PCDHGB1: variants seen among roughly 807,000 people sequenced by gnomAD.
The protein encoded by PCDHGB1 is protocadherin gamma-B1.
In PCDHGB1, 34 loss-of-function variants were observed where a neutral mutation model predicts 56.6. That is an observed-to-expected ratio of 0.60 (90% CI 0.46 to 0.80). The LOEUF (loss-of-function observed/expected upper bound fraction) is 0.80, where lower values mean the gene tolerates loss of function less well. PCDHGB1 is among the 30% of genes least tolerant of loss of function. The pLI is 0.00. For missense variants in PCDHGB1, 1,278 were observed against 1,204.6 expected, an observed-to-expected ratio of 1.06 and a Z score of -0.90; for synonymous variants, 561 against 505.9, an observed-to-expected ratio of 1.11 and a Z score of -1.46.
rs143530538 is a variant in PCDHGB1 at position 141,490,323 on chromosome 5, G to A, written c.2410-4484G>A. 18 of 1,614,102 alleles carry A rather than the reference G, an allele frequency of 1.1e-5. No individual in the cohort carries two copies. Among genetic ancestry groups the A allele is most frequent in the Non-Finnish European group, 1.4e-5 (17 of 1,180,056 alleles). ...CCTCTTTGGCCAACCCTGTCCTAGA[G>A]AGCACACCAGTGGGCACAGTAGTGG... On this transcript the variant is annotated intron_variant, in intron 1 of 3. Transcript: ENST00000523390. This position sits in a 1 kb window ranked among gnomAD's most constrained non-coding sequence, Gnocchi z 5.4.
At chr5:141,390,362 G>GA (rs1411664231) in intron 1 of PCDHGB1, 10 of 1,532,890 alleles carry the variant, frequency 6.5e-6, no homozygotes, top group Middle Eastern at 3.5e-4. Context: ...ATATTTGCAG[G>GA]AAAATATATA....
intron 1 of PCDHGB1, chr5:141,388,479 C>T (rs1345463224): frequency 4.3e-6 from 7 of 1,613,652 alleles, no homozygotes; most frequent in Non-Finnish European, 1.7e-6. Flanking sequence ...ATTGAAGACA[C>T]CTTTGGACAG....
intron 1 of PCDHGB1, chr5:141,394,389 C>T (rs750588570): frequency 2.6e-5 from 42 of 1,614,118 alleles, no homozygotes; most frequent in Non-Finnish European, 3.5e-5. Flanking sequence ...TGAGCAGATC[C>T]GAGACCTGCA....
intron 1 of PCDHGB1, among the ~76,000 whole-genome samples, chr5:141,447,600 T>G (rs769487703): frequency 6.6e-6 from 1 of 151,992 alleles, no homozygotes; most frequent in Non-Finnish European, 1.5e-5. Flanking sequence ...TCCTATAGAG[T>G]CCTTAGCATT....
chr5:141,490,288 G>A lies in PCDHGB1; in HGVS notation c.2410-4519G>A. On this transcript the variant is annotated intron_variant, in intron 1 of 3. Coordinates refer to ENST00000523390, the MANE Select transcript of PCDHGB1 (RefSeq NM_018922.3). The surrounding 1 kb of genome is among the most constrained non-coding windows in gnomAD (Gnocchi z 5.4). ...GGATGTCAATGACAATGCCCCAGAG[G>A]TGCTATTGGCCTCTTTGGCCAACCC... The A allele has an allele frequency of 3.7e-6, 6 of 1,614,198 alleles. No individual in the cohort carries two copies. The highest frequency in any genetic ancestry group is 5.1e-6 in the Non-Finnish European group (6 of 1,180,042).
chr5:141,390,358 G>T, intron 1 of PCDHGB1: 1 of 1,540,914 alleles, frequency 6.5e-7, no homozygotes, highest in East Asian at 2.2e-5. Context: ...ATACATATTT[G>T]CAGGAAAATA....
In PCDHGB1 at chr5:141,431,265, G is replaced by T; in HGVS notation, c.2410-63542G>T. On this transcript the variant is annotated intron_variant, in intron 1 of 3. Transcript: ENST00000523390. The surrounding 1 kb of genome is among the most constrained non-coding windows in gnomAD (Gnocchi z 4.8). ...GATATCGGGAAGAACTCTCTGCAGAGCTACGAGCTCAGCCCGAACACTCAC... is the reference window on the plus strand; with the variant it reads ...GATATCGGGAAGAACTCTCTGCAGATCTACGAGCTCAGCCCGAACACTCAC... 1 of 1,614,168 alleles carries T rather than the reference G, an allele frequency of 6.2e-7. No homozygotes were observed. The highest frequency in any genetic ancestry group is 8.5e-7 in the Non-Finnish European group (1 of 1,180,054).
intron 1 of PCDHGB1, chr5:141,365,060 C>T (rs750087491): frequency 1.2e-6 from 2 of 1,613,874 alleles, no homozygotes; most frequent in Admixed American, 1.7e-5. Context: ...CCTGTTCACC[C>T]CATCCGAGTA....
intron 1 of PCDHGB1, chr5:141,415,377 C>T (rs774655293): frequency 1.2e-6 from 2 of 1,614,118 alleles, no homozygotes; most frequent in African/African-American, 2.7e-5. Flanking sequence ...CTTCAGGAGG[C>T]GGCTTGACAG....
intron 1 of PCDHGB1, chr5:141,423,300 G>A (rs1293301567): frequency 2.5e-6 from 4 of 1,614,028 alleles, no homozygotes; most frequent in African/African-American, 1.3e-5. Context: ...CAGACCTCTC[G>A]CTGTACTTGG....
At chr5:141,362,149 T>C (rs759063405) in intron 1 of PCDHGB1, 2 of 1,614,036 alleles carry the variant, frequency 1.2e-6, no homozygotes, top group East Asian at 2.2e-5. Context: ...GCAAGAGGTA[T>C]TGCCAGACCT....
chr5:141,472,188 G>C (rs779077950), intron 1 of PCDHGB1, among the ~76,000 whole-genome samples: 4 of 152,168 alleles, frequency 2.6e-5, no homozygotes, highest in Middle Eastern at 3.2e-3. Context: ...ATTGGAATTT[G>C]AATCTTTTTG....
rs185995562 is a variant in PCDHGB1 at position 141,410,475 on chromosome 5, A to T, written c.2409+57806A>T. 63 of 1,614,052 alleles carry T rather than the reference A, an allele frequency of 3.9e-5. No individual in the cohort carries two copies. The highest frequency in any genetic ancestry group is 3.3e-4 in the Middle Eastern group (2 of 6,062). ...TATTCTTATAATCTGTGCATTGCAC[A>T]TACGGGTACAAAAGAGTTTAATTTC... On this transcript the variant is annotated intron_variant, in intron 1 of 3. Transcript: ENST00000523390.
chr5:141,460,924 A>ATATATG (rs1561985817), intron 1 of PCDHGB1, among the ~76,000 whole-genome samples: 1 of 150,496 alleles, frequency 6.6e-6, no homozygotes, highest in African/African-American at 2.4e-5. Flanking sequence ...ATATATATAT[A>ATATATG]TGTGTGTGTG....
intron 1 of PCDHGB1, chr5:141,399,703 C>T: frequency 1.2e-6 from 2 of 1,613,474 alleles, no homozygotes; most frequent in African/African-American, 1.3e-5. Flanking sequence ...CACCTTCGAA[C>T]TCACACTACA....
chr5:141,365,219 A>C (rs569659080), intron 1 of PCDHGB1: 3 of 1,613,844 alleles, frequency 1.9e-6, no homozygotes, highest in African/African-American at 2.7e-5. Context: ...ACTTGATTCC[A>C]ACCTGGGGGA....
chr5:141,427,109 C>A lies in PCDHGB1; in HGVS notation c.2410-67698C>A, dbSNP rs141512367. On this transcript the variant is annotated intron_variant, in intron 1 of 3. Coordinates refer to ENST00000523390, the MANE Select transcript of PCDHGB1 (RefSeq NM_018922.3). ...AGGATGAGGGTGTCAATGCGGAGAT[C>A]ACCTACTCTTTCAAATCCCTACGAG... 1,737 of 457,784 alleles carry A rather than the reference C, an allele frequency of 3.8e-3. 17 individuals carry two copies. Among genetic ancestry groups the A allele is most frequent in the Admixed American group, 0.01 (426 of 42,600 alleles). 28.4% of individuals were successfully genotyped at this position (457,784 alleles called of 1,614,324 possible). A position where few individuals can be genotyped will look rare whatever the true frequency, so the allele number is the denominator to read the frequency against.
intron 1 of PCDHGB1, chr5:141,364,162 G>T (rs1431333863): frequency 1.5e-6 from 1 of 667,104 alleles, no homozygotes; most frequent in Non-Finnish European, 2.2e-6. Context: ...CCGCAGAGGC[G>T]ACCCGACTCT....
rs566049956 is a variant in PCDHGB1 at position 141,511,685 on chromosome 5, G to A, written c.*512G>A. 1.0e-5 allele frequency: 2 copies of A among 198,374 alleles called. No individual in the cohort carries two copies. Among genetic ancestry groups the A allele is most frequent in the Non-Finnish European group, 2.1e-5 (2 of 94,428 alleles). The allele number at this position is 198,374 out of a possible 1,614,324, so 12.3% of individuals were successfully genotyped here. On this transcript the variant is annotated 3_prime_UTR_variant, in exon 4 of 4. Coordinates refer to ENST00000523390, the MANE Select transcript of PCDHGB1 (RefSeq NM_018922.3). ...GATTCTCAATCTTCCCCCAAAGCAT[G>A]GTTTGGTGCCAGCCCCTTCACCTCC...
Sources: gnomAD v4.1 joint callset for allele counts (sites outside exome capture counted in the v4.1 genomes callset) on GRCh38, gnomAD v4.1.1 for gene constraint, Gnocchi (gnomAD v3.1) non-coding constraint, MANE v1.5 for transcripts, NCBI Gene and HGNC (gene_info 2026-07-23, HGNC 2026-07-21) for gene names.